ARHGEF12: variants seen among roughly 807,000 people sequenced by gnomAD.
The protein encoded by ARHGEF12 is Rho guanine nucleotide exchange factor 12.
ARHGEF12 carries 66 observed loss-of-function variants against 211.2 expected under a neutral mutation model. That is an observed-to-expected ratio of 0.31 (90% CI 0.26 to 0.38). ARHGEF12 has a LOEUF of 0.38. ARHGEF12 is among the 10% of genes least tolerant of loss of function. ARHGEF12 has a pLI of 1.00. For synonymous variants in ARHGEF12, 592 were observed against 638.4 expected (o/e 0.93, Z 1.09); for missense variants, 1,429 against 1,869.5 (o/e 0.76, Z 4.34).
chr11:120,399,348 A>AAAAAAAAAAAAAAAAAAAG (rs1565453349), intron 1 of ARHGEF12, among the ~76,000 whole-genome samples: 1 of 149,026 alleles, frequency 6.7e-6, no homozygotes, highest in African/African-American at 2.5e-5. Context: ...AAAAAAAAAA[A>AAAAAAAAAAAAAAAAAAAG]AAAGAAAAGA....
intron 7 of ARHGEF12, among the ~76,000 whole-genome samples, chr11:120,427,035 C>T (rs1262627611): frequency 6.6e-6 from 1 of 152,016 alleles, no homozygotes; most frequent in Non-Finnish European, 1.5e-5. Flanking sequence ...TGCCACCACG[C>T]CCGGCTAATT....
chr11:120,477,426 T>G (rs369669323), intron 35 of ARHGEF12, 21 bp from the exon 36 acceptor site: 252 of 1,542,450 alleles, frequency 1.6e-4, no homozygotes, highest in South Asian at 3.7e-4. Flanking sequence ...AAAGTTTTTT[T>G]TTTTTTTTTT....
chr11:120,475,260 C>A, intron 32 of ARHGEF12, 80 bp from the exon 33 acceptor site: 1 of 1,276,880 alleles, frequency 7.8e-7, no homozygotes, highest in South Asian at 1.6e-5. Flanking sequence ...AATAGAATTC[C>A]TCTGTTGAAT....
chr11:120,359,601 A>T (rs1458473335), intron 1 of ARHGEF12, among the ~76,000 whole-genome samples: 2 of 152,220 alleles, frequency 1.3e-5, no homozygotes, highest in Non-Finnish European at 2.9e-5. Context: ...CTGGGTACAA[A>T]TATCTAGTGG....
chr11:120,370,826 C>T (rs965408124), intron 1 of ARHGEF12, among the ~76,000 whole-genome samples: 2 of 151,856 alleles, frequency 1.3e-5, no homozygotes, highest in African/African-American at 4.8e-5. Context: ...TTCCAACCTC[C>T]TTTCATTTTT....
At chr11:120,389,476 TG>T (rs1050360267) in intron 1 of ARHGEF12, among the ~76,000 whole-genome samples, 8 of 152,198 alleles carry the variant, frequency 5.3e-5, no homozygotes, top group Non-Finnish European at 1.2e-4. Context: ...TTTTAATTTT[TG>T]TGGGTACCTA....
At chr11:120,352,691 G>A (rs904983236) in intron 1 of ARHGEF12, among the ~76,000 whole-genome samples, 10 of 152,148 alleles carry the variant, frequency 6.6e-5, no homozygotes, top group Non-Finnish European at 1.5e-4. Flanking sequence ...AGTTACAGGC[G>A]TGCTTTGTTT....
chr11:120,426,954 G>GC (rs1273406500), intron 7 of ARHGEF12, among the ~76,000 whole-genome samples: 4 of 151,962 alleles, frequency 2.6e-5, no homozygotes, highest in Admixed American at 2.0e-4. Context: ...TCGGCTCACT[G>GC]CAACCTCCGC....
intron 1 of ARHGEF12, among the ~76,000 whole-genome samples, chr11:120,351,264 A>C (rs547064684): frequency 7.4e-6 from 1 of 135,712 alleles, no homozygotes; most frequent in Non-Finnish European, 1.5e-5. Flanking sequence ...GGAGAATGGC[A>C]TGAACCCGGG....
intron 39 of ARHGEF12, among the ~76,000 whole-genome samples, chr11:120,482,994 G>A (rs1018655640): frequency 6.6e-6 from 1 of 152,122 alleles, no homozygotes; most frequent in East Asian, 1.9e-4. Context: ...AGGACAGGTC[G>A]GTTCTTATAT....
intron 1 of ARHGEF12, among the ~76,000 whole-genome samples, chr11:120,353,366 G>A (rs887410386): frequency 6.6e-6 from 1 of 152,192 alleles, no homozygotes; most frequent in African/African-American, 2.4e-5. Flanking sequence ...AGCCTGAACC[G>A]TGGGATCAAG....
chr11:120,372,813 A>G (rs980304411), intron 1 of ARHGEF12, among the ~76,000 whole-genome samples: 4 of 152,092 alleles, frequency 2.6e-5, no homozygotes, highest in Non-Finnish European at 4.4e-5. Context: ...TTTATCCCCA[A>G]TATCTCTTAT....
chr11:120,450,464 C>T (rs546092632), intron 21 of ARHGEF12: 1 of 151,970 alleles, frequency 6.6e-6, no homozygotes, highest in Admixed American at 6.6e-5. Context: ...CGAGTTCTCC[C>T]TCAAATGCCA....
At position 120,411,581 on chromosome 11, in the gene ARHGEF12, C is replaced by CTTTTTT. The variant is rs56970429; in HGVS notation, c.199+2152_199+2157dup. 12 of 40,700 alleles carry CTTTTTT rather than the reference C, an allele frequency of 2.9e-4. 3 individuals carry two copies. The South Asian group carries it at 0.01, about 35-fold the overall frequency. 2.5% of individuals were successfully genotyped at this position (40,700 alleles called of 1,614,324 possible). On this transcript the variant is annotated intron_variant, in intron 4 of 40. Transcript: ENST00000397843. ...TATTATTTATTTTAAACTTTCTTGGCTTTTTTTTTTTTTTTTTTTTTTTTT... is the reference window on the plus strand; with the variant it reads ...TATTATTTATTTTAAACTTTCTTGGCTTTTTTTTTTTTTTTTTTTTTTTTTTTTTTT...
At chr11:120,463,170 G>A (rs1459955930) in intron 27 of ARHGEF12, 1 of 152,106 alleles carries the variant, frequency 6.6e-6, no homozygotes, top group South Asian at 2.1e-4. Context: ...AATTTTTGAT[G>A]GTTTTATTAG....
intron 39 of ARHGEF12, among the ~76,000 whole-genome samples, chr11:120,483,330 G>A (rs763404394): frequency 7.7e-6 from 1 of 129,570 alleles, no homozygotes; most frequent in Non-Finnish European, 1.6e-5. Flanking sequence ...GCGCTATTTC[G>A]GCTCACTGCA....
At chr11:120,375,992 G>A (rs752091550) in intron 1 of ARHGEF12, among the ~76,000 whole-genome samples, 3 of 152,080 alleles carry the variant, frequency 2.0e-5, no homozygotes, top group Non-Finnish European at 2.9e-5. Context: ...GATCACAGAG[G>A]TAAAGTGACA....
chr11:120,461,041 A>G (rs556804615), intron 27 of ARHGEF12, among the ~76,000 whole-genome samples: 67 of 152,298 alleles, frequency 4.4e-4, no homozygotes, highest in African/African-American at 1.3e-3. Context: ...TACCTCTTCC[A>G]CTGAAGTCTT....
intron 30 of ARHGEF12, among the ~76,000 whole-genome samples, chr11:120,471,024 C>T (rs147051292): frequency 6.6e-6 from 1 of 152,040 alleles, no homozygotes; most frequent in Non-Finnish European, 1.5e-5. Context: ...TTGTGCCTGC[C>T]GGGAATGGCA....
Sources: gnomAD v4.1 joint callset for allele counts (sites outside exome capture counted in the v4.1 genomes callset) on GRCh38, gnomAD v4.1.1 for gene constraint, MANE v1.5 for transcripts, NCBI Gene and HGNC (gene_info 2026-07-23, HGNC 2026-07-21) for gene names.